PSMG1: variants seen among roughly 807,000 people sequenced by gnomAD.
The protein encoded by PSMG1 is Down syndrome critical region gene 2.
A neutral mutation model predicts 37.2 loss-of-function variants in PSMG1; 23 were observed. The observed-to-expected ratio is 0.62, with a 90% CI of 0.44 to 0.88. The LOEUF (loss-of-function observed/expected upper bound fraction) is 0.88. Among genes scored for constraint, PSMG1 ranks in the 40% least tolerant of loss-of-function variants. The pLI is 0.00. For synonymous variants in PSMG1, 127 were observed against 128.0 expected, an observed-to-expected ratio of 0.99 and a Z score of 0.05; for missense variants, 340 against 344.2, an observed-to-expected ratio of 0.99 and a Z score of 0.10.
rs928737144 is a variant in PSMG1, at chr21:39,174,828, A to G, written c.*762T>C. On this transcript the variant is annotated 3_prime_UTR_variant, in exon 7 of 7. Coordinates refer to ENST00000331573, the MANE Select transcript of PSMG1 (RefSeq NM_003720.4). ...CCATTCACACTCCTAATGATAACAC[A>G]TGACTGTAAGAGAACTGCTGACACG... 1 of 152,240 alleles carries G rather than the reference A, an allele frequency of 6.6e-6. No individual in the cohort carries two copies. The highest frequency in any genetic ancestry group is 1.5e-5 in the Non-Finnish European group (1 of 68,038). 9.4% of individuals were successfully genotyped at this position (152,240 alleles called of 1,614,324 possible). A position where few individuals can be genotyped will look rare whatever the true frequency, so the allele number is the denominator to read the frequency against.
chr21:39,177,875 ATAAG>A (rs1468790753), intron 5 of PSMG1, among the ~76,000 whole-genome samples: 2 of 152,196 alleles, frequency 1.3e-5, no homozygotes, highest in African/African-American at 4.8e-5. Context: ...TAAATAACAA[ATAAG>A]TACAAAATGC....
rs142723514 is a variant in PSMG1 at position 39,176,067 on chromosome 21, A to C, written c.793-403T>G. On this transcript the variant is annotated intron_variant, in intron 6 of 6. Transcript: ENST00000331573. ...TTCATCCATCTTTCAAATCCAACTA[A>C]ACTGCCACACAGGAAGAACTCAAAA... is the stretch of plus-strand genomic sequence containing the variant. Among the ~76,000 whole-genome samples, 62 of 152,190 alleles carry C rather than the reference A, an allele frequency of 4.1e-4. No individual in the cohort carries two copies. In the East Asian group the frequency reaches 9.1e-3, roughly 22 times the overall value.
chr21:39,177,540 T>C lies in PSMG1; in HGVS notation c.687A>G (p.Pro229=), dbSNP rs14194. The C allele has an allele frequency of 0.33, 518,029 of 1,589,590 alleles. 89,753 individuals are homozygous for C. The highest frequency in any genetic ancestry group is 0.36 in the Middle Eastern group (2,166 of 5,984). The change falls in exon 6 of 7, where the codon CCA becomes CCG. Residue 229 remains proline, a synonymous_variant. Transcript: ENST00000331573. The part of the protein sequence containing the change: ...VLSYCQVWKI[P]AILYLCYTDV... Reference sequence around the variant, plus strand: ...CAGTATAACACAAGTACAGAATTGCTGGGATTTTCCATACTTGACAGTAGC... The same window carrying C: ...CAGTATAACACAAGTACAGAATTGCCGGGATTTTCCATACTTGACAGTAGC...
In PSMG1 at chr21:39,177,519, A is replaced by G. The variant is rs778388232; in HGVS notation, c.708T>C (p.Tyr236=). Residue 236 remains tyrosine (Y), a synonymous_variant, in exon 6 of 7, where the codon TAT becomes TAC. Transcript: ENST00000331573. ...WKIPAILYLC[Y]TDVMKLDLIT... ...TTAGGTCTAATTTCATCACATCAGT[A>G]TAACACAAGTACAGAATTGCTGGGA... 1.9e-6 allele frequency: 3 copies of G among 1,605,992 alleles called. No homozygotes were observed. Among genetic ancestry groups the G allele is most frequent in the Admixed American group, 3.4e-5 (2 of 58,676 alleles).
chr21:39,181,731 TC>T, intron 2 of PSMG1, 40 bp downstream of exon 2: 1 of 1,328,932 alleles, frequency 7.5e-7, no homozygotes, highest in Non-Finnish European at 1.0e-6. Flanking sequence ...TATATTTCAT[TC>T]TTTCAACAAA....
chr21:39,178,917 T>G, intron 4 of PSMG1: 1 of 414,980 alleles, frequency 2.4e-6, no homozygotes, highest in Non-Finnish European at 4.4e-6. Flanking sequence ...AAATCTCATG[T>G]TAAAATGTGA....
chr21:39,180,128 A>G, intron 3 of PSMG1, 142 bp from the exon 4 acceptor site: 1 of 1,236,058 alleles, frequency 8.1e-7, no homozygotes, highest in Non-Finnish European at 1.1e-6. Context: ...ATTTCTCTTT[A>G]AAATTTAACA....
intron 6 of PSMG1, among the ~76,000 whole-genome samples, chr21:39,176,359 G>C (rs2030625623): frequency 6.6e-6 from 1 of 152,178 alleles, no homozygotes; most frequent in Admixed American, 6.5e-5. Flanking sequence ...ACACACCTGT[G>C]TGCTACACAC....
rs754693099 is a variant in PSMG1, at chr21:39,180,271, C to T, written c.393+14G>A. 4 of 1,582,606 alleles carry T rather than the reference C, an allele frequency of 2.5e-6. No homozygotes were observed. Among genetic ancestry groups the T allele is most frequent in the Admixed American group, 3.8e-5 (2 of 52,764 alleles). ...CTTAAATAACTGCTTTTCAAACATACAAGTCCCACCTACCGAGGGATTGGA... is the reference window on the plus strand; with the variant it reads ...CTTAAATAACTGCTTTTCAAACATATAAGTCCCACCTACCGAGGGATTGGA... On this transcript the variant is annotated intron_variant, in intron 3 of 6. Coordinates refer to ENST00000331573, the MANE Select transcript of PSMG1 (RefSeq NM_003720.4).
intron 6 of PSMG1, among the ~76,000 whole-genome samples, chr21:39,177,184 C>T (rs1247178443): frequency 1.3e-5 from 2 of 152,168 alleles, no homozygotes; most frequent in Non-Finnish European, 2.9e-5. Context: ...AACCATCTGT[C>T]CACATAGACA....
Position 39,183,330 on chromosome 21 carries a change from T to C in PSMG1, c.56A>G (p.Glu19Gly). 2 of 1,577,568 alleles carry C rather than the reference T, an allele frequency of 1.3e-6. No individual in the cohort carries two copies. The highest frequency in any genetic ancestry group is 8.6e-7 in the Non-Finnish European group (1 of 1,164,348). Residue 19 changes from glutamate (E) to glycine (G), a missense_variant, in exon 1 of 7, where the codon GAG (glutamate) becomes GGG (glycine). By Grantham distance (98) the Glu-to-Gly change is moderately conservative. Transcript: ENST00000331573. ...VVKAPCRAGT[E>G]DEEEEEEGRR... ...CCCCTCCTCCTCCTCCTCTTCGTCC[T>C]CAGTCCCAGCTCGGCACGGCGCCTT...
chr21:39,177,165 G>A (rs911377442), intron 6 of PSMG1, among the ~76,000 whole-genome samples: 3 of 152,132 alleles, frequency 2.0e-5, no homozygotes, highest in African/African-American at 7.2e-5. Context: ...GAAGCTTATT[G>A]AACAGTAAAA....
Position 39,179,904 on chromosome 21 carries a change from G to A in PSMG1, c.456+20C>T, listed in dbSNP as rs1158589169. 3.1e-6 allele frequency: 5 copies of A among 1,609,886 alleles called. No homozygotes were observed. The highest frequency in any genetic ancestry group is 2.2e-5 in the South Asian group (2 of 90,950). ...AACTCCTGTAGACTAACCATTCACA[G>A]GTTTTCATTTCTCTCTTACCTTTTC... On this transcript the variant is annotated intron_variant, in intron 4 of 6. Transcript: ENST00000331573.
chr21:39,176,963 G>A (rs1278459472), intron 6 of PSMG1, among the ~76,000 whole-genome samples: 1 of 152,128 alleles, frequency 6.6e-6, no homozygotes, highest in Non-Finnish European at 1.5e-5. Flanking sequence ...AATTTTTTTA[G>A]AAAATGAGAC....
At position 39,175,621 on chromosome 21, in the gene PSMG1, G is replaced by A; in HGVS notation, c.836C>T (p.Thr279Ile). The part of the protein sequence containing the change: ...STEILKKLMT[T>I]NEIQSNIYT ...ATAAATGTTACTCTGAATCTCATTT[G>A]TTGTCATCAATTTCTTTAGTATCTC... Residue 279 changes from threonine to isoleucine, a missense_variant, in exon 7 of 7, where the codon ACA becomes ATA. Transcript: ENST00000331573. 6.3e-7 allele frequency: 1 copy of A among 1,594,226 alleles called. No individual in the cohort carries two copies. The highest frequency in any genetic ancestry group is 8.6e-7 in the Non-Finnish European group (1 of 1,162,188).
chr21:39,180,163 A>T (rs967303695), intron 3 of PSMG1, 122 bp downstream of exon 3: 5 of 1,297,722 alleles, frequency 3.9e-6, no homozygotes, highest in Non-Finnish European at 5.2e-6. Flanking sequence ...GGTGATTAGT[A>T]TCAGAAAAAG....
rs1206083719 is a variant in PSMG1, at chr21:39,178,473, T to C, written c.631A>G (p.Ile211Val). 8 of 1,613,916 alleles carry C rather than the reference T, an allele frequency of 5.0e-6. No individual in the cohort carries two copies. In the South Asian group the frequency reaches 8.8e-5, roughly 18 times the overall value. Residue 211 changes from isoleucine to valine, a missense_variant, in exon 5 of 7, where the codon ATA becomes GTA. Coordinates refer to ENST00000331573, the MANE Select transcript of PSMG1 (RefSeq NM_003720.4). The stretch of plus-strand genomic sequence containing the variant: ...CCTGCTGCAGGAAGGTCGTGTACTA[T>C]ATTCGGTTGTTCTAGCAATGGACAA... ...ACCPLLEQPN[I>V]VHDLPAAVLS...
intron 4 of PSMG1, among the ~76,000 whole-genome samples, chr21:39,179,491 T>C (rs1028610316): frequency 2.6e-5 from 4 of 152,300 alleles, no homozygotes; most frequent in Non-Finnish European, 4.4e-5. Flanking sequence ...ACTACACTTA[T>C]AGGTAAGCTT....
At chr21:39,177,281 A>G (rs1016687607) in intron 6 of PSMG1, among the ~76,000 whole-genome samples, 154 bp downstream of exon 6, 1 of 152,252 alleles carries the variant, frequency 6.6e-6, no homozygotes, top group African/African-American at 2.4e-5. Flanking sequence ...AGATGATGAC[A>G]ATCAAATTCA....
Sources: gnomAD v4.1 joint callset for allele counts (sites outside exome capture counted in the v4.1 genomes callset) on GRCh38, gnomAD v4.1.1 for gene constraint, MANE v1.5 for transcripts, NCBI Gene and HGNC (gene_info 2026-07-23, HGNC 2026-07-21) for gene names.